DLC1: variants seen among roughly 807,000 people sequenced by gnomAD.
The protein encoded by DLC1 is DLC1 Rho GTPase activating protein.
In DLC1, 54 loss-of-function variants were observed where a neutral mutation model predicts 140.3. The ratio of observed to expected loss-of-function variants is 0.38; its 90% CI spans 0.31 to 0.48. The LOEUF is 0.48. DLC1 is among the 20% of genes least tolerant of loss of function. The pLI is 0.96. For missense variants in DLC1, 2,536 were observed against 1,907.0 expected (o/e 1.33, Z -6.14); for synonymous variants, 986 against 728.1 (o/e 1.35, Z -5.70).
intron 5 of DLC1, among the ~76,000 whole-genome samples, chr8:13,266,744 T>TA (rs1006330539): frequency 3.3e-5 from 5 of 151,792 alleles, no homozygotes; most frequent in African/African-American, 1.2e-4. Flanking sequence ...GACTTAGTAT[T>TA]AAAAAAACAA....
chr8:13,357,165 T>G (rs2444944), intron 4 of DLC1, among the ~76,000 whole-genome samples: 105,258 of 151,894 alleles, frequency 0.69, 37,034 homozygotes, highest in East Asian at 0.84. Flanking sequence ...CAGCTACTCG[T>G]GAGGCCAAGG....
chr8:13,174,340 T>G (rs1318531067), intron 5 of DLC1, among the ~76,000 whole-genome samples: 1 of 152,206 alleles, frequency 6.6e-6, no homozygotes, highest in Non-Finnish European at 1.5e-5. Flanking sequence ...GTGCATGTGT[T>G]TTTTTGATAG....
At chr8:13,462,465 G>A (rs1050678037) in intron 2 of DLC1, among the ~76,000 whole-genome samples, 4 of 149,844 alleles carry the variant, frequency 2.7e-5, no homozygotes, top group East Asian at 2.0e-4. Context: ...GTGCAGTGGC[G>A]CGATCTTGGC....
intron 5 of DLC1, among the ~76,000 whole-genome samples, chr8:13,155,486 T>C (rs192547935): frequency 1.3e-5 from 2 of 152,240 alleles, no homozygotes; most frequent in Non-Finnish European, 2.9e-5. Flanking sequence ...ATCTATTTTT[T>C]TAAAAAAACA....
chr8:13,251,421 G>A (rs1268417769), intron 5 of DLC1, among the ~76,000 whole-genome samples: 2 of 151,976 alleles, frequency 1.3e-5, no homozygotes, highest in African/African-American at 2.4e-5. Context: ...TATCAATTTG[G>A]GATTTGGGAA....
intron 5 of DLC1, among the ~76,000 whole-genome samples, chr8:13,262,382 A>C (rs183707394): frequency 6.6e-6 from 1 of 151,862 alleles, no homozygotes; most frequent in Admixed American, 6.6e-5. Flanking sequence ...CCTAAGGAAA[A>C]CTCTCAATTT....
intron 5 of DLC1, among the ~76,000 whole-genome samples, chr8:13,243,611 TTTC>T (rs1829634694): frequency 6.6e-6 from 1 of 152,186 alleles, no homozygotes; most frequent in Admixed American, 6.5e-5. Context: ...CAGAGCATAT[TTTC>T]TTCTTTTTTT....
chr8:13,264,540 G>A (rs1830608858), intron 5 of DLC1, among the ~76,000 whole-genome samples: 1 of 152,152 alleles, frequency 6.6e-6, no homozygotes, highest in Admixed American at 6.5e-5. Context: ...AAGCCAGTAT[G>A]AGAGTGATTA....
At chr8:13,159,004 A>C (rs1285734223) in intron 5 of DLC1, among the ~76,000 whole-genome samples, 1 of 152,154 alleles carries the variant, frequency 6.6e-6, no homozygotes, top group Non-Finnish European at 1.5e-5. Flanking sequence ...TCATACAAAC[A>C]GCTGCAGAAT....
At chr8:13,375,129 G>A (rs1025698770) in intron 4 of DLC1, among the ~76,000 whole-genome samples, 11 of 149,948 alleles carry the variant, frequency 7.3e-5, no homozygotes, top group African/African-American at 2.7e-4. Flanking sequence ...CCGGCTTCAC[G>A]CCATTCTCCT....
chr8:13,226,184 C>T (rs997256805), intron 5 of DLC1, among the ~76,000 whole-genome samples: 2 of 152,090 alleles, frequency 1.3e-5, no homozygotes, highest in African/African-American at 4.8e-5. Flanking sequence ...AAAGTGCTGG[C>T]ATAACAGGAA....
rs1760176470 is a variant in DLC1, at chr8:13,499,563, G to A, written c.509C>T (p.Thr170Ile). 1.2e-6 allele frequency: 2 copies of A among 1,614,102 alleles called. No homozygotes were observed. The highest frequency in any genetic ancestry group is 1.7e-6 in the Non-Finnish European group (2 of 1,180,014). ...SSNSWGIAGE[T>I]ELALVKESGE... Reference sequence around the variant, plus strand: ...ACTTTCTTTTACCAGTGCTAATTCAGTTTCACCAGCTATTCCCCAGGAGTT... The same window carrying A: ...ACTTTCTTTTACCAGTGCTAATTCAATTTCACCAGCTATTCCCCAGGAGTT... The change falls in exon 2 of 18, where the codon ACT (threonine) becomes ATT (isoleucine). Residue 170 changes from threonine to isoleucine, a missense_variant. By Grantham distance (89) the Thr-to-Ile change is moderately conservative. Transcript: ENST00000276297.
At chr8:13,197,321 A>G (rs1827121537) in intron 5 of DLC1, among the ~76,000 whole-genome samples, 1 of 151,756 alleles carries the variant, frequency 6.6e-6, no homozygotes, top group Admixed American at 6.6e-5. Flanking sequence ...TAAGCCCTTG[A>G]TTTATTTTAT....
intron 1 of DLC1, among the ~76,000 whole-genome samples, chr8:13,575,871 C>T (rs956436721): frequency 3.9e-5 from 6 of 152,162 alleles, no homozygotes; most frequent in African/African-American, 1.4e-4. Flanking sequence ...TGTATTGTGG[C>T]TTTAGTATGC....
intron 1 of DLC1, among the ~76,000 whole-genome samples, chr8:13,589,862 A>G (rs1043066732): frequency 1.3e-5 from 2 of 151,928 alleles, no homozygotes; most frequent in South Asian, 2.1e-4. Flanking sequence ...CTAAATTCTA[A>G]AAATATATGT....
chr8:13,199,492 C>T (rs1827256652), intron 5 of DLC1, among the ~76,000 whole-genome samples: 1 of 152,116 alleles, frequency 6.6e-6, no homozygotes, highest in Admixed American at 6.5e-5. Context: ...TCTCATTCTT[C>T]AGAACCCTAC....
intron 2 of DLC1, among the ~76,000 whole-genome samples, chr8:13,427,520 G>C (rs369953777): frequency 2.6e-5 from 4 of 152,172 alleles, no homozygotes; most frequent in African/African-American, 9.7e-5. Context: ...ATCTGTTTCT[G>C]TCTCTGTTAG....
chr8:13,567,777 G>C (rs1305888065), intron 1 of DLC1: 1 of 1,551,912 alleles, frequency 6.4e-7, no homozygotes, highest in Non-Finnish European at 8.7e-7. Flanking sequence ...GAATAATCTG[G>C]AAAAGACTGA....
rs1220601801 is a variant in DLC1 at position 13,100,650 on chromosome 8, C to G, written c.1687G>C (p.Val563Leu). Reference protein sequence around the residue: ...FDVFSPKQDLVPGSPDDSHPK... With the variant: ...FDVFSPKQDLLPGSPDDSHPK... ...TGGGAGTCGTCTGGGGACCCAGGGA[C>G]CAGGTCTTGTTTTGGAGAAAAGACA... Residue 563 changes from valine to leucine, a missense_variant, in exon 9 of 18, where the codon GTC (valine) becomes CTC (leucine). By Grantham distance (32) the Val-to-Leu change is conservative (BLOSUM62 1). Coordinates refer to ENST00000276297, the MANE Select transcript of DLC1 (RefSeq NM_182643.3). 6.2e-7 allele frequency: 1 copy of G among 1,614,108 alleles called. No individual in the cohort carries two copies. Among genetic ancestry groups the G allele is most frequent in the Non-Finnish European group, 8.5e-7 (1 of 1,180,012 alleles).
Sources: gnomAD v4.1 joint callset for allele counts (sites outside exome capture counted in the v4.1 genomes callset) on GRCh38, gnomAD v4.1.1 for gene constraint, MANE v1.5 for transcripts, NCBI Gene and HGNC (gene_info 2026-07-23, HGNC 2026-07-21) for gene names.